CAST: variants seen among roughly 807,000 people sequenced by gnomAD.
CAST encodes calpastatin.
A neutral mutation model predicts 119.6 loss-of-function variants in CAST; 76 were observed. The observed-to-expected ratio is 0.64, with a 90% CI of 0.53 to 0.77. The LOEUF is 0.77. CAST is among the 30% of genes least tolerant of loss of function. CAST has a pLI of 0.00. For synonymous variants in CAST, 319 were observed against 331.6 expected (o/e 0.96, Z 0.41); for missense variants, 953 against 946.5 (o/e 1.01, Z -0.09).
At chr5:96,451,461 C>A in the CAST span, among the ~76,000 whole-genome samples, 1 of 152,070 alleles carries the variant, frequency 6.6e-6, no homozygotes, top group Non-Finnish European at 1.5e-5. Flanking sequence ...TGAAACTGGA[C>A]CCCTTCCTTA....
rs777789164 is a variant in CAST, at chr5:96,754,792, A to C, written c.1710+51A>C. On this transcript the variant is annotated intron_variant, in intron 22 of 31. Transcript: ENST00000675179. ...TTTTATTTTAATTCATACTGAATTC[A>C]TACACAGAACAAAGGTACTTGGGAA... 1.2e-5 allele frequency: 13 copies of C among 1,045,652 alleles called. No homozygotes were observed. The African/African-American group carries it at 1.3e-4, about 10-fold the overall frequency. The allele number at this position is 1,045,652 out of a possible 1,614,324, so 64.8% of individuals were successfully genotyped here.
the CAST span, among the ~76,000 whole-genome samples, chr5:96,090,803 T>C: frequency 6.6e-6 from 1 of 151,614 alleles, no homozygotes; most frequent in Non-Finnish European, 1.5e-5. Context: ...CTAAAGTGTT[T>C]TGCTTTGGTT....
chr5:96,284,845 T>C, the CAST span, among the ~76,000 whole-genome samples: 1 of 152,338 alleles, frequency 6.6e-6, no homozygotes, highest in East Asian at 1.9e-4. Flanking sequence ...CACTTATTTC[T>C]TTTTTATCTT....
At chr5:96,259,092 T>A in the CAST span, among the ~76,000 whole-genome samples, 1,077 of 152,296 alleles carry the variant, frequency 7.1e-3, 17 homozygotes, top group African/African-American at 0.024. Context: ...GAAAGTATGT[T>A]TTTATTCCCA....
At chr5:96,388,372 C>G in the CAST span, among the ~76,000 whole-genome samples, 1 of 152,212 alleles carries the variant, frequency 6.6e-6, no homozygotes, top group Admixed American at 6.5e-5. Flanking sequence ...TTTTGATTTA[C>G]ATCTGGTTCA....
intron 1 of CAST, among the ~76,000 whole-genome samples, chr5:96,534,332 A>T (rs1288584419): frequency 9.2e-5 from 14 of 152,086 alleles, no homozygotes; most frequent in Non-Finnish European, 1.5e-5. Context: ...CAACTATATG[A>T]TGTCAGATTC....
the CAST span, among the ~76,000 whole-genome samples, chr5:96,245,733 A>G: frequency 6.6e-6 from 1 of 152,186 alleles, no homozygotes; most frequent in Admixed American, 6.5e-5. Flanking sequence ...ATTCAAATCC[A>G]TTACTGATGA....
chr5:96,113,981 AC>A, the CAST span, among the ~76,000 whole-genome samples: 3 of 152,212 alleles, frequency 2.0e-5, no homozygotes, highest in African/African-American at 4.8e-5. Flanking sequence ...TATTTTTTAT[AC>A]TACTAGCCTG....
intron 1 of CAST, among the ~76,000 whole-genome samples, chr5:96,535,547 T>C (rs1745793824): frequency 6.6e-6 from 1 of 151,246 alleles, no homozygotes; most frequent in African/African-American, 2.4e-5. Flanking sequence ...TAAATTTGAG[T>C]TTTATGTAAA....
intron 1 of CAST, among the ~76,000 whole-genome samples, chr5:96,637,404 T>C (rs766380785): frequency 5.9e-5 from 9 of 152,212 alleles, no homozygotes; most frequent in Non-Finnish European, 1.2e-4. Context: ...TTCTGGAATG[T>C]GGCTTTCCAA....
At chr5:96,370,632 G>A in the CAST span, among the ~76,000 whole-genome samples, 1 of 151,236 alleles carries the variant, frequency 6.6e-6, no homozygotes, top group Admixed American at 6.6e-5. Flanking sequence ...CAACAGTACT[G>A]TTGCTTTATT....
intron 13 of CAST, 36 bp downstream of exon 13, chr5:96,740,819 T>C: frequency 7.0e-7 from 1 of 1,428,272 alleles, no homozygotes; most frequent in African/African-American, 1.4e-5. Flanking sequence ...TCTAAATTAA[T>C]AGTTTTATAT....
At chr5:96,555,397 G>A (rs142213439) in intron 1 of CAST, among the ~76,000 whole-genome samples, 3,100 of 152,274 alleles carry the variant, frequency 0.02, 45 homozygotes, top group Non-Finnish European at 0.034. Context: ...TGGGTGCAGC[G>A]CACCCAGCGT....
chr5:96,492,822 C>A, the CAST span, among the ~76,000 whole-genome samples: 1 of 152,174 alleles, frequency 6.6e-6, no homozygotes, highest in South Asian at 2.1e-4. Context: ...GGCCCCATGC[C>A]AGATTAACTG....
the CAST span, among the ~76,000 whole-genome samples, chr5:96,201,593 C>T: frequency 1.3e-5 from 2 of 152,014 alleles, no homozygotes; most frequent in African/African-American, 4.8e-5. Flanking sequence ...CACTCATCCC[C>T]ACTCCTACAT....
At chr5:96,237,609 T>C in the CAST span, among the ~76,000 whole-genome samples, 1 of 152,212 alleles carries the variant, frequency 6.6e-6, no homozygotes, top group Non-Finnish European at 1.5e-5. Context: ...TACATTGTTT[T>C]TGTCATCATT....
intron 3 of CAST, among the ~76,000 whole-genome samples, chr5:96,698,024 A>T (rs1305383142): frequency 1.3e-5 from 2 of 152,228 alleles, no homozygotes; most frequent in Admixed American, 1.3e-4. Context: ...AAATTATGCC[A>T]CTAAAAATGA....
rs531191437 is a variant in CAST at position 96,770,876 on chromosome 5, C to T, written c.2340+274C>T. On this transcript the variant is annotated intron_variant, in intron 30 of 31. Coordinates refer to ENST00000675179, the MANE Select transcript of CAST (RefSeq NM_001750.7). Reference sequence around the variant, plus strand: ...CTTTCTTGCCCTAATTAAAATACCACCATAGTATGTGGTTTATATAGATTT... The same window carrying T: ...CTTTCTTGCCCTAATTAAAATACCATCATAGTATGTGGTTTATATAGATTT... 9.9e-5 allele frequency among the ~76,000 whole-genome samples: 15 copies of T among 152,176 alleles called. 1 individual carries two copies. In the South Asian group the frequency reaches 1.5e-3, roughly 15 times the overall value.
At chr5:96,362,365 G>A in the CAST span, among the ~76,000 whole-genome samples, 1 of 152,110 alleles carries the variant, frequency 6.6e-6, no homozygotes, top group African/African-American at 2.4e-5. Context: ...GGGATGGCTG[G>A]GTCAAATGGT....
Sources: gnomAD v4.1 joint callset for allele counts (sites outside exome capture counted in the v4.1 genomes callset) on GRCh38, gnomAD v4.1.1 for gene constraint, MANE v1.5 for transcripts, NCBI Gene and HGNC (gene_info 2026-07-23, HGNC 2026-07-21) for gene names.